Variants in CLSTN2 observed in about 807,000 individuals in gnomAD.
CLSTN2 encodes calsyntenin-2.
In CLSTN2, 48 loss-of-function variants were observed where a neutral mutation model predicts 101.2. The ratio of observed to expected loss-of-function variants is 0.47; its 90% CI spans 0.38 to 0.60. The LOEUF (loss-of-function observed/expected upper bound fraction) is 0.60. Ranked by LOEUF, CLSTN2 falls within the 20% of genes least tolerant of loss-of-function variation. The pLI is 0.00. For synonymous variants in CLSTN2, 481 were observed against 463.6 expected, an observed-to-expected ratio of 1.04 and a Z score of -0.48; for missense variants, 1,160 against 1,238.2, an observed-to-expected ratio of 0.94 and a Z score of 0.95.
At chr3:140,013,779 G>C (rs2007138037) in intron 1 of CLSTN2, among the ~76,000 whole-genome samples, 1 of 151,938 alleles carries the variant, frequency 6.6e-6, no homozygotes, top group South Asian at 2.1e-4. Context: ...GAATATATAA[G>C]CTGACTCCTC....
intron 2 of CLSTN2, among the ~76,000 whole-genome samples, chr3:140,401,428 C>T: frequency 6.6e-6 from 1 of 152,194 alleles, no homozygotes; most frequent in East Asian, 1.9e-4. Flanking sequence ...AAAATTAGTT[C>T]TATTGAATTG....
At chr3:140,073,882 T>C (rs781392451) in intron 1 of CLSTN2, among the ~76,000 whole-genome samples, 1 of 152,146 alleles carries the variant, frequency 6.6e-6, no homozygotes, top group African/African-American at 2.4e-5. Flanking sequence ...TGATTTACAG[T>C]CCTGTGAACT....
chr3:140,134,861 G>A (rs1178299137), intron 1 of CLSTN2, among the ~76,000 whole-genome samples: 4 of 151,706 alleles, frequency 2.6e-5, no homozygotes, highest in African/African-American at 9.7e-5. Context: ...CAAAATACAT[G>A]CAACTACCCC....
At chr3:140,414,819 A>G (rs1322787968) in intron 4 of CLSTN2, among the ~76,000 whole-genome samples, 1 of 152,142 alleles carries the variant, frequency 6.6e-6, no homozygotes, top group Non-Finnish European at 1.5e-5. Context: ...TAGTAACAGA[A>G]GATACAATCC....
intron 1 of CLSTN2, among the ~76,000 whole-genome samples, chr3:140,099,029 G>A (rs957781798): frequency 6.6e-6 from 1 of 152,170 alleles, no homozygotes; most frequent in African/African-American, 2.4e-5. Context: ...TGATGTGCGT[G>A]CCAGATGCCA....
chr3:140,091,007 C>T (rs947841498), intron 1 of CLSTN2, among the ~76,000 whole-genome samples: 5 of 152,106 alleles, frequency 3.3e-5, no homozygotes, highest in Admixed American at 6.5e-5. Flanking sequence ...CTGGGCTGCT[C>T]CTACATAATG....
chr3:140,366,591 C>T (rs1386026996), intron 2 of CLSTN2, among the ~76,000 whole-genome samples: 1 of 152,156 alleles, frequency 6.6e-6, no homozygotes, highest in Non-Finnish European at 1.5e-5. Flanking sequence ...CTCTTCTACC[C>T]CAGCAAGTTG....
chr3:140,138,611 T>C (rs1185475310), intron 1 of CLSTN2, among the ~76,000 whole-genome samples: 2 of 152,220 alleles, frequency 1.3e-5, no homozygotes. Flanking sequence ...CAACATCTTA[T>C]CTTGGAGTTT....
At chr3:140,349,544 A>G (rs765500465) in intron 2 of CLSTN2, among the ~76,000 whole-genome samples, 23 of 152,182 alleles carry the variant, frequency 1.5e-4, no homozygotes, top group Non-Finnish European at 3.4e-4. Context: ...TCTTAAGAAG[A>G]CAGTAGATGA....
intron 1 of CLSTN2, among the ~76,000 whole-genome samples, chr3:140,102,861 TTC>T (rs1022859186): frequency 2.6e-5 from 4 of 152,096 alleles, no homozygotes; most frequent in African/African-American, 9.7e-5. Flanking sequence ...GCTCAAAACT[TTC>T]TGTGATAAGC....
chr3:140,167,441 C>T (rs2107823470), intron 1 of CLSTN2, among the ~76,000 whole-genome samples: 1 of 152,246 alleles, frequency 6.6e-6, no homozygotes, highest in Non-Finnish European at 1.5e-5. Flanking sequence ...TTTTCCATAG[C>T]ACTCTGCTCT....
At chr3:139,948,553 A>C (rs1935246917) in intron 1 of CLSTN2, among the ~76,000 whole-genome samples, 1 of 152,162 alleles carries the variant, frequency 6.6e-6, no homozygotes, top group African/African-American at 2.4e-5. Flanking sequence ...GCTATGAGCC[A>C]CCATTTCAAA....
At position 140,033,693 on chromosome 3, in the gene CLSTN2, T is replaced by C. The variant is rs185021595; in HGVS notation, c.109+98210T>C. On this transcript the variant is annotated intron_variant, in intron 1 of 16. Coordinates refer to ENST00000458420, the MANE Select transcript of CLSTN2 (RefSeq NM_022131.3). The stretch of plus-strand genomic sequence containing the variant: ...CAGAATATTCTTCAGGGTTCCTGGC[T>C]CTCAGGGAGGCTAGGAAATATCTGA... Among the ~76,000 whole-genome samples, 415 of 152,356 alleles carry C rather than the reference T, an allele frequency of 2.7e-3. 3 individuals are homozygous for C. Among genetic ancestry groups the C allele is most frequent in the Non-Finnish European group, 4.1e-3 (278 of 68,036 alleles).
chr3:140,271,124 A>T (rs2086738240), intron 2 of CLSTN2, among the ~76,000 whole-genome samples: 1 of 152,142 alleles, frequency 6.6e-6, no homozygotes, highest in Non-Finnish European at 1.5e-5. Context: ...GGCTCGGTGC[A>T]TCATTGCTCC....
chr3:140,258,909 G>A (rs1276903552), intron 2 of CLSTN2, among the ~76,000 whole-genome samples: 1 of 152,136 alleles, frequency 6.6e-6, no homozygotes, highest in Non-Finnish European at 1.5e-5. Context: ...TACTTTCCCA[G>A]TGTGGAAAAT....
At chr3:140,560,910 G>A (rs2046701639) in intron 12 of CLSTN2, among the ~76,000 whole-genome samples, 1 of 152,006 alleles carries the variant, frequency 6.6e-6, no homozygotes, top group South Asian at 2.1e-4. Context: ...ATGTTATTGT[G>A]CTTTTAGATT....
intron 2 of CLSTN2, among the ~76,000 whole-genome samples, chr3:140,377,077 T>G (rs1439888368): frequency 6.9e-6 from 1 of 144,374 alleles, no homozygotes; most frequent in Non-Finnish European, 1.5e-5. Context: ...AAATGATGTT[T>G]TGGTCAACAA....
chr3:140,219,552 G>T (rs564450856), intron 2 of CLSTN2, among the ~76,000 whole-genome samples: 2 of 152,268 alleles, frequency 1.3e-5, no homozygotes, highest in South Asian at 4.2e-4. Context: ...TTTTGTGGTT[G>T]CTGCTCGTCA....
rs905284881 is a variant in CLSTN2 at position 140,539,704 on chromosome 3, T to C, written c.1508-6811T>C. ...GCAGTGCTGAGCATCTTACATGTGTTCTCACTTAGTCCTCACAACCTGATG... is the reference window on the plus strand; with the variant it reads ...GCAGTGCTGAGCATCTTACATGTGTCCTCACTTAGTCCTCACAACCTGATG... On this transcript the variant is annotated intron_variant, in intron 9 of 16. Transcript: ENST00000458420. 3.3e-5 allele frequency among the ~76,000 whole-genome samples: 5 copies of C among 152,304 alleles called. No individual in the cohort carries two copies. The East Asian group carries it at 9.6e-4, about 29-fold the overall frequency.
Sources: gnomAD v4.1 joint callset for allele counts (sites outside exome capture counted in the v4.1 genomes callset) on GRCh38, gnomAD v4.1.1 for gene constraint, MANE v1.5 for transcripts, NCBI Gene and HGNC (gene_info 2026-07-23, HGNC 2026-07-21) for gene names.